The following TSPAN12 variants were observed in gnomAD, a reference collection of about 807,000 sequenced individuals.
TSPAN12 encodes the protein tetraspanin-12.
Under a neutral mutation model 39.2 loss-of-function variants are expected in TSPAN12, and 19 were observed. The observed-to-expected ratio is 0.49, with a 90% CI of 0.34 to 0.71. The LOEUF (loss-of-function observed/expected upper bound fraction) is 0.71, where lower values mean the gene tolerates loss of function less well. Among genes scored for constraint, TSPAN12 ranks in the 30% least tolerant of loss-of-function variants. The pLI is 0.01. For synonymous variants in TSPAN12, 119 were observed against 124.8 expected, an observed-to-expected ratio of 0.95 and a Z score of 0.31; for missense variants, 314 against 359.9, an observed-to-expected ratio of 0.87 and a Z score of 1.03.
chr7:120,799,764 T>C (rs1349017686), intron 7 of TSPAN12, among the ~76,000 whole-genome samples: 8 of 134,576 alleles, frequency 5.9e-5, no homozygotes, highest in East Asian at 2.0e-4. Flanking sequence ...AATTTATACA[T>C]ATAATTTAAT....
At chr7:120,815,431 T>C (rs937370282) in intron 5 of TSPAN12, among the ~76,000 whole-genome samples, 8 of 152,120 alleles carry the variant, frequency 5.3e-5, no homozygotes, top group African/African-American at 1.9e-4. Flanking sequence ...CGCTGTTCTT[T>C]TGATAGTGGG....
chr7:120,797,238 A>G (rs530191439), intron 7 of TSPAN12, among the ~76,000 whole-genome samples: 1 of 152,356 alleles, frequency 6.6e-6, no homozygotes, highest in South Asian at 2.1e-4. Flanking sequence ...AGTTCCTGCC[A>G]ATAAAATCTG....
chr7:120,828,368 C>A (rs955184404), intron 4 of TSPAN12, among the ~76,000 whole-genome samples: 1 of 152,182 alleles, frequency 6.6e-6, no homozygotes, highest in Admixed American at 6.5e-5. Context: ...CAATTTGGCA[C>A]CAGCTCACTC....
Position 120,808,683 on chromosome 7 carries a change from CG to C in TSPAN12, c.468+1779del, listed in dbSNP as rs1156847520. Among the ~76,000 whole-genome samples the C allele has an allele frequency of 7.9e-5, 12 of 152,182 alleles. No homozygotes were observed. In the East Asian group the frequency reaches 2.3e-3, roughly 29 times the overall value. On this transcript the variant is annotated intron_variant, in intron 6 of 7. Coordinates refer to ENST00000222747, the MANE Select transcript of TSPAN12 (RefSeq NM_012338.4). ...GTATTCTAAAAACGTATTAAACAAA[CG>C]TCACTGGGGCTTAAGTGAGAGTCCG... is the stretch of plus-strand genomic sequence containing the variant.
intron 5 of TSPAN12, 41 bp from the exon 6 acceptor site, chr7:120,810,611 C>T (rs761718057): frequency 1.1e-6 from 1 of 948,812 alleles, no homozygotes; most frequent in East Asian, 2.4e-5. Context: ...GTAGCTCACA[C>T]ACAGACACAG....
intron 7 of TSPAN12, among the ~76,000 whole-genome samples, chr7:120,796,444 C>G (rs1229175480): frequency 1.3e-5 from 2 of 152,210 alleles, no homozygotes; most frequent in Non-Finnish European, 2.9e-5. Flanking sequence ...CAGTAAATAC[C>G]TTAAAAAATT....
At chr7:120,802,843 G>T (rs541250228) in intron 7 of TSPAN12, among the ~76,000 whole-genome samples, 4 of 152,254 alleles carry the variant, frequency 2.6e-5, no homozygotes, top group African/African-American at 9.6e-5. Flanking sequence ...ATGTGCAATT[G>T]TCGCTATATT....
At chr7:120,826,249 A>AGAGAACATCT (rs1794284067) in intron 4 of TSPAN12, among the ~76,000 whole-genome samples, 1 of 152,220 alleles carries the variant, frequency 6.6e-6, no homozygotes, top group Non-Finnish European at 1.5e-5. Context: ...TGTTCAAACT[A>AGAGAACATCT]CTAGACAGAG....
intron 7 of TSPAN12, among the ~76,000 whole-genome samples, chr7:120,796,011 A>C (rs1044294737): frequency 6.6e-6 from 1 of 152,256 alleles, no homozygotes; most frequent in African/African-American, 2.4e-5. Flanking sequence ...TCCCTATTAC[A>C]TAGGTAGAAT....
At position 120,788,236 on chromosome 7, in the gene TSPAN12, T is replaced by C. The variant is rs1440871569; in HGVS notation, c.*356A>G. The C allele has an allele frequency of 3.5e-6, 1 of 281,886 alleles. No individual in the cohort carries two copies. The highest frequency in any genetic ancestry group is 6.7e-6 in the Non-Finnish European group (1 of 148,156). 17.5% of individuals were successfully genotyped at this position (281,886 alleles called of 1,614,324 possible). ...TTATATACTAGTTGGTAGAAGTAAA[T>C]CAACCTTTACTATGGCTCCAGTCCC... On this transcript the variant is annotated 3_prime_UTR_variant, in exon 8 of 8. Coordinates refer to ENST00000222747, the MANE Select transcript of TSPAN12 (RefSeq NM_012338.4).
At chr7:120,827,355 T>C (rs1464007566) in intron 4 of TSPAN12, among the ~76,000 whole-genome samples, 2 of 152,230 alleles carry the variant, frequency 1.3e-5, no homozygotes. Flanking sequence ...GCTTGTTCTT[T>C]TCATTGATAA....
At chr7:120,817,894 T>C (rs1370075703) in intron 4 of TSPAN12, among the ~76,000 whole-genome samples, 14 of 152,140 alleles carry the variant, frequency 9.2e-5, no homozygotes, top group African/African-American at 2.4e-5. Context: ...CATTCTTGCA[T>C]TCCTCATCAC....
chr7:120,815,686 GA>G (rs1425117386), intron 5 of TSPAN12, 42 bp downstream of exon 5: 2 of 1,537,038 alleles, frequency 1.3e-6, no homozygotes, highest in Non-Finnish European at 1.8e-6. Context: ...TTAAAAGGCT[GA>G]ACTGTTGTTT....
intron 7 of TSPAN12, among the ~76,000 whole-genome samples, chr7:120,798,640 A>G (rs1793680208): frequency 6.6e-6 from 1 of 152,202 alleles, no homozygotes; most frequent in Non-Finnish European, 1.5e-5. Context: ...TTTGGCAACT[A>G]TTCGCAGACT....
At chr7:120,812,467 A>C (rs1794000469) in intron 5 of TSPAN12, among the ~76,000 whole-genome samples, 1 of 152,224 alleles carries the variant, frequency 6.6e-6, no homozygotes. Context: ...GACATGAGCA[A>C]ATAAGGCTCC....
At chr7:120,802,387 C>T (rs1584927015) in intron 7 of TSPAN12, among the ~76,000 whole-genome samples, 1 of 152,126 alleles carries the variant, frequency 6.6e-6, no homozygotes, top group East Asian at 1.9e-4. Context: ...ATATCACCTC[C>T]TAAGAGGGCC....
intron 2 of TSPAN12, among the ~76,000 whole-genome samples, chr7:120,849,153 T>A (rs867125370): frequency 6.6e-6 from 1 of 152,256 alleles, no homozygotes; most frequent in South Asian, 2.1e-4. Flanking sequence ...CAAGGAGATA[T>A]TTTAAAACTA....
At chr7:120,810,114 T>C (rs1235933271) in intron 6 of TSPAN12, among the ~76,000 whole-genome samples, 3 of 152,158 alleles carry the variant, frequency 2.0e-5, no homozygotes, top group Admixed American at 1.3e-4. Flanking sequence ...GTTTAAAATA[T>C]TGAGAGCTCT....
intron 7 of TSPAN12, among the ~76,000 whole-genome samples, chr7:120,802,316 C>T (rs1793790089): frequency 6.6e-6 from 1 of 152,180 alleles, no homozygotes; most frequent in Admixed American, 6.5e-5. Context: ...GCAGTTTCCT[C>T]GGCCCAAAAC....
Sources: gnomAD v4.1 joint callset for allele counts (sites outside exome capture counted in the v4.1 genomes callset) on GRCh38, gnomAD v4.1.1 for gene constraint, MANE v1.5 for transcripts, NCBI Gene and HGNC (gene_info 2026-07-23, HGNC 2026-07-21) for gene names.